Variants in ALOX15 observed in about 807,000 individuals in gnomAD.
ALOX15 encodes arachidonate 15-lipoxygenase.
A neutral mutation model predicts 71.7 loss-of-function variants in ALOX15; 68 were observed. The observed-to-expected ratio is 0.95, with a 90% confidence interval of 0.78 to 1.16. The LOEUF is 1.16. ALOX15 is among the 50% of genes most tolerant of loss of function. The pLI is 0.00. For missense variants in ALOX15, 798 were observed against 818.8 expected (o/e 0.97, Z 0.31); for synonymous variants, 346 against 333.3 (o/e 1.04, Z -0.42).
chr17:4,639,404 C>T, intron 2 of ALOX15, 26 bp downstream of exon 2: 2 of 1,612,780 alleles, frequency 1.2e-6, no homozygotes, highest in Non-Finnish European at 8.5e-7. Context: ...CCAGAGGCCT[C>T]CTGACACCCT....
chr17:4,640,863 GGA>G (rs1451627947), intron 1 of ALOX15, among the ~76,000 whole-genome samples: 1 of 150,844 alleles, frequency 6.6e-6, no homozygotes, highest in Non-Finnish European at 1.5e-5. Flanking sequence ...GGAGGCAGGA[GGA>G]GAGGGCTGGG....
rs1005433143 is a variant in ALOX15 at position 4,631,491 on chromosome 17, G to C, written c.*109C>G. On this transcript the variant is annotated 3_prime_UTR_variant, in exon 14 of 14. Transcript: ENST00000293761. ...CATGAAAAGGTGCCCCTCTAGGGAG[G>C]GTGGGACATGGGAAGAGGGTGGGAC... The C allele has an allele frequency of 4.4e-6, 6 of 1,364,434 alleles. No homozygotes were observed. In the South Asian group the frequency reaches 5.5e-5, roughly 12 times the overall value. The allele number at this position is 1,364,434 out of a possible 1,614,324, so 84.5% of individuals were successfully genotyped here.
intron 7 of ALOX15, 66 bp from the exon 8 acceptor site, chr17:4,636,034 C>T: frequency 6.5e-7 from 1 of 1,531,696 alleles, no homozygotes; most frequent in East Asian, 2.3e-5. Flanking sequence ...TCCCGCCCCC[C>T]TTGCATGTTA....
Position 4,632,727 on chromosome 17 carries a change from T to C in ALOX15, c.1540+134A>G, listed in dbSNP as rs1488254408. On this transcript the variant is annotated intron_variant, in intron 11 of 13. Transcript: ENST00000293761. ...GGACCTGTCTCTAGGTGACAGGGAG[T>C]GGAATCTGAGAAGGCCTCTGGAGTT... is the stretch of plus-strand genomic sequence containing the variant. 9.2e-6 allele frequency: 13 copies of C among 1,409,284 alleles called. No homozygotes were observed. The South Asian group carries it at 1.3e-4, about 15-fold the overall frequency. 87.3% of individuals were successfully genotyped at this position (1,409,284 alleles called of 1,614,324 possible).
chr17:4,635,938 G>A lies in ALOX15; in HGVS notation c.982C>T (p.Pro328Ser), dbSNP rs1439026480. The A allele has an allele frequency of 6.2e-7, 1 of 1,613,996 alleles. No individual in the cohort carries two copies. The highest frequency in any genetic ancestry group is 8.5e-7 in the Non-Finnish European group (1 of 1,180,050). The change falls in exon 8 of 14, where the codon CCT becomes TCT. Residue 328 changes from proline (P) to serine (S), a missense_variant. Around this residue, in one of 3 missense-constraint regions of ALOX15, gnomAD observed 490 missense variants for 509.4 expected, o/e 0.96. Transcript: ENST00000293761. ...GGATCCGTAGGCAAGAAAAGGGGAGGTGGTGGGGATCCTGTGCGGGGCAGC... is the reference window on the plus strand; with the variant it reads ...GGATCCGTAGGCAAGAAAAGGGGAGATGGTGGGGATCCTGTGCGGGGCAGC... Reference protein sequence around the residue: ...LQLPRTGSPPPPLFLPTDPPM... With the variant: ...LQLPRTGSPPSPLFLPTDPPM...
At chr17:4,632,353 G>A (rs950225925) in intron 11 of ALOX15, 72 bp from the exon 12 acceptor site, 5 of 1,275,068 alleles carry the variant, frequency 3.9e-6, no homozygotes, top group African/African-American at 1.5e-5. Flanking sequence ...GAGGCCAAGA[G>A]AGGAGAACAA....
At chr17:4,634,399 T>C (rs1341201920) in intron 8 of ALOX15, among the ~76,000 whole-genome samples, 1 of 151,896 alleles carries the variant, frequency 6.6e-6, no homozygotes, top group Non-Finnish European at 1.5e-5. Context: ...GTCTTCTGGG[T>C]TCACGCGATT....
At chr17:4,635,717 C>G (rs1304220283) in intron 8 of ALOX15, 42 bp downstream of exon 8, 2 of 1,604,366 alleles carry the variant, frequency 1.2e-6, no homozygotes, top group Admixed American at 3.3e-5. Flanking sequence ...TGCCCTGGGG[C>G]AGAGATAGTG....
At chr17:4,633,886 T>C (rs886068809) in intron 8 of ALOX15, among the ~76,000 whole-genome samples, 41 of 152,170 alleles carry the variant, frequency 2.7e-4, no homozygotes, top group Non-Finnish European at 3.2e-4. Context: ...TGCAGCAACA[T>C]GGATGGAGCT....
At chr17:4,634,321 G>C (rs1295322521) in intron 8 of ALOX15, among the ~76,000 whole-genome samples, 3 of 152,196 alleles carry the variant, frequency 2.0e-5, no homozygotes, top group South Asian at 2.1e-4. Context: ...GTTTTGTTTT[G>C]AGATGGAGTC....
chr17:4,640,956 G>A (rs1435820799), intron 1 of ALOX15, among the ~76,000 whole-genome samples: 4 of 151,558 alleles, frequency 2.6e-5, no homozygotes, highest in South Asian at 2.1e-4. Flanking sequence ...GGGGATCTGG[G>A]AGAGAGCTAG....
At position 4,631,624 on chromosome 17, in the gene ALOX15, C is replaced by T; in HGVS notation, c.1965G>A (p.Val655=). 2 of 1,613,572 alleles carry T rather than the reference C, an allele frequency of 1.2e-6. No homozygotes were observed. Among genetic ancestry groups the T allele is most frequent in the Non-Finnish European group, 1.7e-6 (2 of 1,180,022 alleles). Residue 655 remains valine, a synonymous_variant, in exon 14 of 14, where the codon GTG becomes GTA. Coordinates refer to ENST00000293761, the MANE Select transcript of ALOX15 (RefSeq NM_001140.5). ...DMPYEYLRPS[V]VENSVAI ...CTTAGATGGCCACACTGTTTTCCAC[C>T]ACGCTGGGCCGCAGGTACTCGTAGG... is the stretch of plus-strand genomic sequence containing the variant.
At chr17:4,632,835 G>A in intron 11 of ALOX15, 26 bp downstream of exon 11, 1 of 1,613,802 alleles carries the variant, frequency 6.2e-7, no homozygotes, top group Non-Finnish European at 8.5e-7. Flanking sequence ...TTGTGTCTGA[G>A]ATCTCAGGGC....
intron 1 of ALOX15, among the ~76,000 whole-genome samples, chr17:4,641,192 A>T (rs41358446): frequency 1.8e-4 from 27 of 151,490 alleles, no homozygotes; most frequent in Admixed American, 5.3e-4. Context: ...CGGTTTTTAA[A>T]ATAGAGAAAG....
chr17:4,636,055 TC>T, intron 7 of ALOX15, 87 bp from the exon 8 acceptor site: 2 of 1,401,020 alleles, frequency 1.4e-6, no homozygotes, highest in Non-Finnish European at 2.0e-6. Flanking sequence ...ACCTCACCCT[TC>T]GTCCTCCAAA....
chr17:4,640,678 G>T (rs1232698440), intron 1 of ALOX15, among the ~76,000 whole-genome samples: 1 of 149,290 alleles, frequency 6.7e-6, no homozygotes, highest in Non-Finnish European at 1.5e-5. Context: ...GAAGCTCGGA[G>T]CAAGGGCGTG....
intron 4 of ALOX15, 26 bp downstream of exon 4, chr17:4,638,824 C>G (rs375123203): frequency 3.1e-6 from 5 of 1,613,978 alleles, no homozygotes; most frequent in Non-Finnish European, 4.2e-6. Flanking sequence ...ACACCTCCCT[C>G]TCACCCAGCC....
intron 8 of ALOX15, among the ~76,000 whole-genome samples, chr17:4,635,024 G>A (rs1444300429): frequency 6.6e-6 from 1 of 151,592 alleles, no homozygotes; most frequent in Non-Finnish European, 1.5e-5. Context: ...ATCCCTTGGG[G>A]GACATTGTGC....
rs1023907609 is a variant in ALOX15 at position 4,631,196 on chromosome 17, C to T, written c.*404G>A. On this transcript the variant is annotated 3_prime_UTR_variant, in exon 14 of 14. Transcript: ENST00000293761. The stretch of plus-strand genomic sequence containing the variant: ...GTGAGCCGTGGTGATGGCACCACTG[C>T]ACTCCAGCCTGGGTGTCAAAGTGAG... The T allele has an allele frequency of 1.3e-4, 22 of 168,420 alleles. No individual in the cohort carries two copies. Among genetic ancestry groups the T allele is most frequent in the Admixed American group, 9.1e-4 (16 of 17,602 alleles). The allele number at this position is 168,420 out of a possible 1,614,324, so 10.4% of individuals were successfully genotyped here.
Sources: allele counts gnomAD v4.1 joint callset (sites outside exome capture counted in the v4.1 genomes callset), GRCh38; gene constraint gnomAD v4.1.1; regional missense constraint gnomAD v4.1.1; transcripts MANE v1.5; gene names NCBI Gene and HGNC (gene_info 2026-07-23, HGNC 2026-07-21).